The following ROCK2 variants were observed in gnomAD, a reference collection of about 807,000 sequenced individuals.
ROCK2 encodes Rho associated coiled-coil containing protein kinase 2.
A neutral mutation model predicts 195.1 loss-of-function variants in ROCK2; 61 were observed. The ratio of observed to expected loss-of-function variants is 0.31; its 90% CI spans 0.25 to 0.39. ROCK2 has a LOEUF of 0.39. ROCK2 is among the 10% of genes least tolerant of loss of function. The probability of loss-of-function intolerance (pLI) is 1.00; values close to 1 mark genes in which losing one functional copy is unlikely to be tolerated. For synonymous variants in ROCK2, 504 were observed against 545.5 expected (o/e 0.92, Z 1.06); for missense variants, 1,109 against 1,637.4 (o/e 0.68, Z 5.57).
intron 1 of ROCK2, among the ~76,000 whole-genome samples, chr2:11,337,538 A>G (rs1668968197): frequency 6.6e-6 from 1 of 152,182 alleles, no homozygotes; most frequent in Admixed American, 6.5e-5. Context: ...CATTTTAAAG[A>G]GCAGTGTCGG....
At chr2:11,224,721 T>A (rs2176052) in intron 6 of ROCK2, among the ~76,000 whole-genome samples, 1 of 141,964 alleles carries the variant, frequency 7.0e-6, no homozygotes, top group South Asian at 2.1e-4. Flanking sequence ...ATTTGTTGAG[T>A]TTTTTTTTTT....
rs201939803 is a variant in ROCK2, at chr2:11,249,716, A to T, written c.407T>A (p.Phe136Tyr). The part of the protein sequence containing the change: ...FEMIKRSDSA[F>Y]FWEERDIMAF... Reference sequence around the variant, plus strand: ...CATAATATCTCTTTCTTCCCAAAAAAAGGCAGAATCTGATCTTTTTATCAT... The same window carrying T: ...CATAATATCTCTTTCTTCCCAAAAATAGGCAGAATCTGATCTTTTTATCAT... Residue 136 changes from phenylalanine (F) to tyrosine (Y), a missense_variant, in exon 4 of 33, where the codon TTT (phenylalanine) becomes TAT (tyrosine). Coordinates refer to ENST00000315872, the MANE Select transcript of ROCK2 (RefSeq NM_004850.5). The T allele has an allele frequency of 1.3e-6, 2 of 1,585,770 alleles. No homozygotes were observed. Among genetic ancestry groups the T allele is most frequent in the South Asian group, 2.4e-5 (2 of 82,778 alleles).
At chr2:11,218,236 A>G (rs1003258487) in intron 11 of ROCK2, 15 of 369,156 alleles carry the variant, frequency 4.1e-5, no homozygotes, top group Non-Finnish European at 6.7e-5. Context: ...GCTGCCAGTT[A>G]TATGTCCTTG....
chr2:11,302,624 C>A (rs979162750), intron 1 of ROCK2, among the ~76,000 whole-genome samples: 5 of 152,194 alleles, frequency 3.3e-5, no homozygotes, highest in Non-Finnish European at 7.3e-5. Flanking sequence ...CTAGTTACAT[C>A]TGGCTACCAA....
At chr2:11,261,643 C>G (rs1666229500) in intron 3 of ROCK2, among the ~76,000 whole-genome samples, 2 of 152,048 alleles carry the variant, frequency 1.3e-5, no homozygotes, top group Admixed American at 6.6e-5. Flanking sequence ...ATGGTGAAAC[C>G]CTGTCTTTAC....
chr2:11,318,600 G>A (rs896591272), intron 1 of ROCK2, among the ~76,000 whole-genome samples: 1 of 152,144 alleles, frequency 6.6e-6, no homozygotes, highest in African/African-American at 2.4e-5. Context: ...AAGCTCTTTA[G>A]TTTAATTAGA....
chr2:11,182,487 C>T lies in ROCK2; in HGVS notation c.*950G>A, dbSNP rs370688541. On this transcript the variant is annotated 3_prime_UTR_variant, in exon 33 of 33. Transcript: ENST00000315872. ...GACAGACATCAAGGATATATTAGTTCCAACACCATCCATTATTGTTTCTAT... is the reference window on the plus strand; with the variant it reads ...GACAGACATCAAGGATATATTAGTTTCAACACCATCCATTATTGTTTCTAT... 6.6e-6 allele frequency: 1 copy of T among 152,064 alleles called. No homozygotes were observed. Among genetic ancestry groups the T allele is most frequent in the Non-Finnish European group, 1.5e-5 (1 of 67,994 alleles). The allele number at this position is 152,064 out of a possible 1,614,324, so 9.4% of individuals were successfully genotyped here. A position where few individuals can be genotyped will look rare whatever the true frequency, so the allele number is the denominator to read the frequency against.
At chr2:11,231,603 T>C (rs1280700224) in intron 5 of ROCK2, among the ~76,000 whole-genome samples, 1 of 152,114 alleles carries the variant, frequency 6.6e-6, no homozygotes, top group Non-Finnish European at 1.5e-5. Flanking sequence ...ACACCCAACA[T>C]AGCAGTAGCT....
rs1017246835 is a variant in ROCK2 at position 11,259,850 on chromosome 2, A to C, written c.325-10052T>G. On this transcript the variant is annotated intron_variant, in intron 3 of 32. Transcript: ENST00000315872. ...GCAAAGAGCCAAGTAAGTAATGACA[A>C]GAATCATGGCTTACATCCATCTTTT... Among the ~76,000 whole-genome samples the C allele has an allele frequency of 2.4e-4, 36 of 151,576 alleles. 3 individuals carry two copies. The highest frequency in any genetic ancestry group is 3.4e-3 in the Middle Eastern group (1 of 294).
At chr2:11,218,858 C>T (rs1664522031) in intron 10 of ROCK2, 108 bp downstream of exon 10, 11 of 599,928 alleles carry the variant, frequency 1.8e-5, no homozygotes, top group Non-Finnish European at 5.9e-6. Flanking sequence ...GGAATGCCAT[C>T]TCATGATTTT....
chr2:11,254,671 G>A (rs1386387645), intron 3 of ROCK2, among the ~76,000 whole-genome samples: 6 of 133,412 alleles, frequency 4.5e-5, no homozygotes, highest in Non-Finnish European at 7.8e-5. Flanking sequence ...GAGGCAGGAG[G>A]ACTGCTTAAG....
At chr2:11,249,468 A>G (rs969128345) in intron 4 of ROCK2, among the ~76,000 whole-genome samples, 193 bp downstream of exon 4, 2 of 152,248 alleles carry the variant, frequency 1.3e-5, no homozygotes, top group African/African-American at 4.8e-5. Context: ...AATTTAAGTA[A>G]GTATTACATG....
intron 1 of ROCK2, among the ~76,000 whole-genome samples, chr2:11,319,815 A>C (rs906739165): frequency 6.6e-6 from 1 of 152,178 alleles, no homozygotes; most frequent in African/African-American, 2.4e-5. Context: ...TTCCTTGGCA[A>C]TATTAAAGAA....
chr2:11,303,417 ACTTT>A, intron 1 of ROCK2, among the ~76,000 whole-genome samples: 1 of 152,126 alleles, frequency 6.6e-6, no homozygotes, highest in East Asian at 1.9e-4. Flanking sequence ...CACACATTTT[ACTTT>A]CTTTCCTGCT....
chr2:11,313,513 T>G (rs564355215), intron 1 of ROCK2, among the ~76,000 whole-genome samples: 2 of 152,160 alleles, frequency 1.3e-5, no homozygotes, highest in African/African-American at 4.8e-5. Context: ...ATTGTCTAAA[T>G]CCTGGTACCA....
At chr2:11,193,953 A>G (rs969278729) in intron 29 of ROCK2, 96 bp from the exon 30 acceptor site, 62 of 576,566 alleles carry the variant, frequency 1.1e-4, no homozygotes, top group Admixed American at 1.0e-4. Flanking sequence ...AACACTGACT[A>G]CTTTGACCCA....
At chr2:11,198,847 G>T in intron 23 of ROCK2, 73 bp from the exon 24 acceptor site, 3 of 834,518 alleles carry the variant, frequency 3.6e-6, no homozygotes, top group Non-Finnish European at 5.7e-6. Flanking sequence ...ATTCAAATGA[G>T]AAACATCCTA....
In ROCK2 at chr2:11,319,850, G is replaced by A. The variant is rs890640636; in HGVS notation, c.141+24146C>T. Among the ~76,000 whole-genome samples, 15 of 152,062 alleles carry A rather than the reference G, an allele frequency of 9.9e-5. 1 individual carries two copies. The highest frequency in any genetic ancestry group is 9.7e-4 in the East Asian group (5 of 5,180). On this transcript the variant is annotated intron_variant, in intron 1 of 32. Coordinates refer to ENST00000315872, the MANE Select transcript of ROCK2 (RefSeq NM_004850.5). Reference sequence around the variant, plus strand: ...AATAATGGTAATTTTTAAATACCACGGATATTTTATACTATATTATCATAA... The same window carrying A: ...AATAATGGTAATTTTTAAATACCACAGATATTTTATACTATATTATCATAA...
chr2:11,261,440 C>T (rs762540224), intron 3 of ROCK2, among the ~76,000 whole-genome samples: 2 of 152,182 alleles, frequency 1.3e-5, no homozygotes, highest in South Asian at 4.1e-4. Context: ...TCAACTCCTT[C>T]TCCTTTATTC....
Sources: allele counts gnomAD v4.1 joint callset (sites outside exome capture counted in the v4.1 genomes callset), GRCh38; gene constraint gnomAD v4.1.1; transcripts MANE v1.5; gene names NCBI Gene and HGNC (gene_info 2026-07-23, HGNC 2026-07-21).